Variants in SPATA9 observed in about 807,000 individuals in gnomAD.
The protein encoded by SPATA9 is spermatogenesis associated 9.
A neutral mutation model predicts 25.5 loss-of-function variants in SPATA9; 27 were observed. The ratio of observed to expected loss-of-function variants is 1.06; its 90% CI spans 0.78 to 1.46. The LOEUF (loss-of-function observed/expected upper bound fraction) is 1.46. SPATA9 is among the 40% of genes most tolerant of loss of function. The probability of loss-of-function intolerance (pLI) is 0.00; values close to 1 mark genes in which losing one functional copy is unlikely to be tolerated. For missense variants in SPATA9, 282 were observed against 297.5 expected (o/e 0.95, Z 0.38); for synonymous variants, 102 against 105.7 (o/e 0.97, Z 0.21).
the SPATA9 span, chr5:95,731,235 CG>C: frequency 9.9e-7 from 1 of 1,005,430 alleles, no homozygotes; most frequent in South Asian, 4.2e-5. Flanking sequence ...GCCCGACCCC[CG>C]GGGCTGGCAC....
At chr5:95,706,425 T>C in the SPATA9 span, among the ~76,000 whole-genome samples, 1 of 151,712 alleles carries the variant, frequency 6.6e-6, no homozygotes, top group African/African-American at 2.4e-5. Context: ...CACAAATGGG[T>C]GGAGTCGTGC....
intron 2 of SPATA9, among the ~76,000 whole-genome samples, 163 bp downstream of exon 2, chr5:95,682,365 C>G (rs979723253): frequency 1.1e-4 from 17 of 152,094 alleles, no homozygotes; most frequent in Non-Finnish European, 2.4e-4. Flanking sequence ...TCCCAAAGAC[C>G]CCTCTTAATG....
chr5:95,720,406 G>T, the SPATA9 span, among the ~76,000 whole-genome samples: 2 of 152,192 alleles, frequency 1.3e-5, no homozygotes, highest in African/African-American at 4.8e-5. Flanking sequence ...CATAGTTAAT[G>T]CAAAAGGACT....
At chr5:95,703,976 C>G in the SPATA9 span, among the ~76,000 whole-genome samples, 1 of 152,034 alleles carries the variant, frequency 6.6e-6, no homozygotes, top group African/African-American at 2.4e-5. Flanking sequence ...ATTCTACATT[C>G]AAGACCCAAC....
the SPATA9 span, among the ~76,000 whole-genome samples, chr5:95,712,935 G>T: frequency 2.4e-4 from 36 of 151,924 alleles, no homozygotes; most frequent in Admixed American, 8.5e-4. Context: ...TCTTCATATA[G>T]ATCTCATGCA....
intron 3 of SPATA9, chr5:95,670,753 AC>A: frequency 2.7e-6 from 2 of 729,270 alleles, no homozygotes; most frequent in Non-Finnish European, 3.4e-6. Flanking sequence ...CTCTCAGCAC[AC>A]TCTGGTACCA....
At chr5:95,671,981 C>T (rs1328623206) in intron 3 of SPATA9, among the ~76,000 whole-genome samples, 1 of 151,626 alleles carries the variant, frequency 6.6e-6, no homozygotes, top group Admixed American at 6.6e-5. Flanking sequence ...CAAAATTGAG[C>T]TTACAAAAAG....
At chr5:95,652,263 G>C, downstream of SPATA9, 1 of 1,549,082 alleles carries the variant, frequency 6.5e-7, no homozygotes, top group African/African-American at 1.4e-5. Context: ...TCTTCCACCT[G>C]ACCTCTAAAT....
chr5:95,653,959 A>C (rs759646970), downstream of SPATA9: 22 of 822,510 alleles, frequency 2.7e-5, no homozygotes, highest in South Asian at 3.1e-4. Flanking sequence ...GCCTCCATTA[A>C]TCTTGAAAAG....
chr5:95,730,268 AGAAAC>A, the SPATA9 span, among the ~76,000 whole-genome samples: 2 of 152,232 alleles, frequency 1.3e-5, no homozygotes, highest in African/African-American at 4.8e-5. Flanking sequence ...AGCTGAGAAA[AGAAAC>A]AGTCCAATTT....
At chr5:95,694,572 T>C (rs908012838) in intron 1 of SPATA9, among the ~76,000 whole-genome samples, 1 of 152,236 alleles carries the variant, frequency 6.6e-6, no homozygotes, top group Admixed American at 6.5e-5. Flanking sequence ...ATGATACCTC[T>C]TCAGGAGGGA....
At chr5:95,701,172 C>T (rs1307141681), upstream of SPATA9, 3 of 152,168 alleles carry the variant, frequency 2.0e-5, no homozygotes, top group Non-Finnish European at 4.4e-5. Flanking sequence ...ATTCCTAGGT[C>T]ACTTAACCTC....
intron 2 of SPATA9, among the ~76,000 whole-genome samples, chr5:95,677,435 G>C (rs1210313473): frequency 6.6e-6 from 1 of 152,156 alleles, no homozygotes; most frequent in African/African-American, 2.4e-5. Context: ...AGTTTTCAGT[G>C]CACAGTTCTA....
At chr5:95,668,831 C>T (rs1752075298) in intron 3 of SPATA9, among the ~76,000 whole-genome samples, 1 of 152,092 alleles carries the variant, frequency 6.6e-6, no homozygotes, top group Non-Finnish European at 1.5e-5. Flanking sequence ...ACACAAAAAA[C>T]CCAACAGTGA....
intron 4 of SPATA9, among the ~76,000 whole-genome samples, chr5:95,659,866 C>T (rs960644088): frequency 6.6e-6 from 1 of 152,102 alleles, no homozygotes; most frequent in Non-Finnish European, 1.5e-5. Context: ...GATATGTCTG[C>T]TGGGATGGAA....
At chr5:95,713,970 AT>A in the SPATA9 span, among the ~76,000 whole-genome samples, 1 of 152,264 alleles carries the variant, frequency 6.6e-6, no homozygotes, top group East Asian at 1.9e-4. Flanking sequence ...TTTGTTTAAT[AT>A]TTTGACTTTA....
At chr5:95,711,012 G>A in the SPATA9 span, among the ~76,000 whole-genome samples, 1 of 151,946 alleles carries the variant, frequency 6.6e-6, no homozygotes, top group African/African-American at 2.4e-5. Flanking sequence ...GTCAAAAGGG[G>A]TGTAAATCCG....
chr5:95,662,489 G>T lies in SPATA9; in HGVS notation c.474+1464C>A, dbSNP rs193185882. Among the ~76,000 whole-genome samples the T allele has an allele frequency of 5.3e-5, 8 of 152,144 alleles. No homozygotes were observed. The South Asian group carries it at 1.5e-3, about 28-fold the overall frequency. ...CTGGTCTCAAACTCCTGGGCTCAAG[G>T]TATCCTCCTGCTTCAGCCTCCCCCG... is the stretch of plus-strand genomic sequence containing the variant. On this transcript the variant is annotated intron_variant, in intron 4 of 4. Coordinates refer to ENST00000274432, the MANE Select transcript of SPATA9 (RefSeq NM_031952.4).
chr5:95,727,754 G>C, the SPATA9 span, among the ~76,000 whole-genome samples: 2 of 152,188 alleles, frequency 1.3e-5, no homozygotes, highest in African/African-American at 4.8e-5. Context: ...ATTATGAAAA[G>C]ATCTTTAGGA....
Sources: gnomAD v4.1 joint callset for allele counts (sites outside exome capture counted in the v4.1 genomes callset) on GRCh38, gnomAD v4.1.1 for gene constraint, MANE v1.5 for transcripts, NCBI Gene and HGNC (gene_info 2026-07-23, HGNC 2026-07-21) for gene names.